RYR1: variants seen among roughly 807,000 people sequenced by gnomAD.
RYR1 encodes central core disease of muscle.
A neutral mutation model predicts 583.5 loss-of-function variants in RYR1; 342 were observed. The observed-to-expected ratio is 0.59, with a 90% confidence interval of 0.54 to 0.64. The LOEUF is 0.64. Among genes scored for constraint, RYR1 ranks in the 30% least tolerant of loss-of-function variants. RYR1 has a pLI of 0.00. For missense variants in RYR1, 6,032 were observed against 6,917.2 expected, an observed-to-expected ratio of 0.87 and a Z score of 4.54; for synonymous variants, 2,791 against 2,822.5, an observed-to-expected ratio of 0.99 and a Z score of 0.35.
Position 38,565,295 on chromosome 19 carries a change from C to T in RYR1, c.12961C>T (p.Arg4321Trp). Reference protein sequence around the residue: ...RSLRRRVRRLRRLTAREAATA... With the variant: ...RSLRRRVRRLWRLTAREAATA... ...CCTGCGGCGGCGCGTGCGGCGGCTG[C>T]GGCGGCTTACGGCCCGCGAGGCGGC... The change falls in exon 91 of 106, where the codon CGG becomes TGG. Residue 4321 changes from arginine (R) to tryptophan (W), a missense_variant. By Grantham distance (101) the Arg-to-Trp change is moderately radical. Coordinates refer to ENST00000359596, the MANE Select transcript of RYR1 (RefSeq NM_000540.3). The surrounding 1 kb of genome is among the most constrained non-coding windows in gnomAD (Gnocchi z 4.7). 3 of 1,043,236 alleles carry T rather than the reference C, an allele frequency of 2.9e-6. No homozygotes were observed. Among genetic ancestry groups the T allele is most frequent in the Non-Finnish European group, 3.5e-6 (3 of 868,924 alleles). The allele number at this position is 1,043,236 out of a possible 1,614,324, so 64.6% of individuals were successfully genotyped here. A position where few individuals can be genotyped will look rare whatever the true frequency, so the allele number is the denominator to read the frequency against.
In RYR1 at chr19:38,500,754, G is replaced by A. The variant is rs1970074513; in HGVS notation, c.7444+28G>A. On this transcript the variant is annotated intron_variant, in intron 46 of 105. Coordinates refer to ENST00000359596, the MANE Select transcript of RYR1 (RefSeq NM_000540.3). The surrounding 1 kb of genome is among the most constrained non-coding windows in gnomAD (Gnocchi z 5.9). ...GCAGAGGGGATGGAACTTGGCGAAG[G>A]AGTGATGCTGGGGAGGGAGCGGCTG... 1 of 1,614,026 alleles carries A rather than the reference G, an allele frequency of 6.2e-7. No individual in the cohort carries two copies. Among genetic ancestry groups the A allele is most frequent in the South Asian group, 1.1e-5 (1 of 91,090 alleles).
intron 49 of RYR1, 39 bp from the exon 50 acceptor site, chr19:38,504,181 C>T (rs907604118): frequency 1.3e-6 from 2 of 1,586,288 alleles, no homozygotes; most frequent in Non-Finnish European, 1.7e-6. Flanking sequence ...TTCGCTGGTG[C>T]CCCCCTCATT....
chr19:38,483,196 G>A lies in RYR1; in HGVS notation c.4707+83G>A. 2 of 1,593,898 alleles carry A rather than the reference G, an allele frequency of 1.3e-6. No homozygotes were observed. The highest frequency in any genetic ancestry group is 2.2e-5 in the East Asian group (1 of 44,746). ...AGGCCAGGCGGGCAGAGCCACTGAA[G>A]GGGAGGGGGCAATCCAAGAGGTCTC... On this transcript the variant is annotated intron_variant, in intron 32 of 105. Coordinates refer to ENST00000359596, the MANE Select transcript of RYR1 (RefSeq NM_000540.3). The surrounding 1 kb of genome is among the most constrained non-coding windows in gnomAD (Gnocchi z 6.3).
intron 66 of RYR1, among the ~76,000 whole-genome samples, chr19:38,518,609 T>G (rs566092205): frequency 6.6e-6 from 1 of 150,924 alleles, no homozygotes; most frequent in African/African-American, 2.4e-5. Context: ...GGTTAAAGAT[T>G]GGGGTCAGGG....
chr19:38,527,451 A>G (rs1971513749), intron 72 of RYR1, 196 bp from the exon 73 acceptor site: 1 of 673,338 alleles, frequency 1.5e-6, no homozygotes, highest in Non-Finnish European at 2.5e-6. Context: ...CAGAGGTTGC[A>G]GTGAGCTGAG....
intron 66 of RYR1, 133 bp from the exon 67 acceptor site, chr19:38,519,079 CCA>C: frequency 6.9e-7 from 1 of 1,439,872 alleles, no homozygotes; most frequent in Non-Finnish European, 9.7e-7. Flanking sequence ...GGGACTATAT[CCA>C]AGGTTAGGGT....
At chr19:38,493,465 G>A (rs1259127054) in intron 38 of RYR1, among the ~76,000 whole-genome samples, 1 of 151,958 alleles carries the variant, frequency 6.6e-6, no homozygotes, top group East Asian at 1.9e-4. Flanking sequence ...AGCCGAGGGG[G>A]GAAAGTCAAA....
At chr19:38,586,637 G>A in intron 105 of RYR1, 61 bp downstream of exon 105, 1 of 1,477,722 alleles carries the variant, frequency 6.8e-7, no homozygotes, top group South Asian at 1.1e-5. Context: ...CATAAGGCCA[G>A]TCAGTAGGTG....
rs531585868 is a variant in RYR1 at position 38,559,454 on chromosome 19, G to A, written c.12283-1659G>A. 6.6e-5 allele frequency among the ~76,000 whole-genome samples: 10 copies of A among 151,842 alleles called. No individual in the cohort carries two copies. In the South Asian group the frequency reaches 1.3e-3, roughly 19 times the overall value. ...TCACCATGTTGTCCAGGCTGGTCTCGAACTCCTGACCTCAGGTGATCCACC... is the reference window on the plus strand; with the variant it reads ...TCACCATGTTGTCCAGGCTGGTCTCAAACTCCTGACCTCAGGTGATCCACC... On this transcript the variant is annotated intron_variant, in intron 89 of 105. Coordinates refer to ENST00000359596, the MANE Select transcript of RYR1 (RefSeq NM_000540.3).
intron 101 of RYR1, among the ~76,000 whole-genome samples, chr19:38,583,834 T>G (rs1189861028): frequency 6.6e-6 from 1 of 151,986 alleles, no homozygotes; most frequent in Non-Finnish European, 1.5e-5. Flanking sequence ...TGCCACATCC[T>G]ACAGGAAGCC....
rs193922781 is a variant in RYR1, at chr19:38,485,838, C to T, written c.5183C>T (p.Ser1728Phe). The T allele has an allele frequency of 3.6e-5, 58 of 1,613,708 alleles. No homozygotes were observed. Among genetic ancestry groups the T allele is most frequent in the Non-Finnish European group, 4.7e-5 (56 of 1,180,020 alleles). ...HLESACRSRR[S>F]MLSEYIVPLT... is the part of the protein sequence containing the mutation. ...GAAAGTGCCTGCCGCAGCCGCCGCT[C>T]CATGCTCTCTGAATACATCGTGCCC... The change falls in exon 34 of 106, where the codon TCC becomes TTC. Residue 1728 changes from serine (S) to phenylalanine (F), a missense_variant. Physicochemically the swap from Ser to Phe is radical, Grantham distance 155 (BLOSUM62 -2). Around this residue, in one of 11 missense-constraint regions of RYR1, gnomAD observed 2,627 missense variants for 2,961.3 expected, o/e 0.89. Transcript: ENST00000359596.
chr19:38,525,633 C>T, intron 71 of RYR1, 131 bp downstream of exon 71: 1 of 1,000,824 alleles, frequency 1.0e-6, no homozygotes, highest in South Asian at 1.4e-5. Flanking sequence ...CTTCAGACCC[C>T]ACTGAGTTCT....
At chr19:38,477,928 A>G (rs2145503656) in intron 30 of RYR1, 58 bp downstream of exon 30, 1 of 1,521,880 alleles carries the variant, frequency 6.6e-7, no homozygotes, top group East Asian at 2.3e-5. Flanking sequence ...AGGCAGTCAG[A>G]GCTCCCGACA....
chr19:38,502,634 CTA>C lies in RYR1; in HGVS notation c.7744_7745del (p.Met2582AlafsTer19), dbSNP rs2145614282. On this transcript the variant is annotated frameshift_variant, in exon 48 of 106. Transcript: ENST00000359596. LOFTEE classifies it high-confidence loss of function. ...GAACACCGCGCCATCATGGTGGACTCTATGCTGCATACCGTGTACCGCCTGTC... is the reference window on the plus strand; with the variant it reads ...GAACACCGCGCCATCATGGTGGACTCTGCTGCATACCGTGTACCGCCTGTC... 6.2e-7 allele frequency: 1 copy of C among 1,613,110 alleles called. No homozygotes were observed. The highest frequency in any genetic ancestry group is 8.5e-7 in the Non-Finnish European group (1 of 1,179,922).
chr19:38,449,487 AAAAC>A (rs1322663728), intron 11 of RYR1, among the ~76,000 whole-genome samples: 1 of 152,152 alleles, frequency 6.6e-6, no homozygotes, highest in East Asian at 1.9e-4. Flanking sequence ...AAACAAAACA[AAAAC>A]AAAAACAGAG....
In RYR1 at chr19:38,477,884, G is replaced by T. The variant is rs773052225; in HGVS notation, c.4454+14G>T. On this transcript the variant is annotated intron_variant, in intron 30 of 105. Coordinates refer to ENST00000359596, the MANE Select transcript of RYR1 (RefSeq NM_000540.3). ...CGTCCACAGCAGGTGCCGGGGCTGG[G>T]GGGAGGTGGGAGGTGCAGGGTGGGG... 6.2e-7 allele frequency: 1 copy of T among 1,605,022 alleles called. No homozygotes were observed. The highest frequency in any genetic ancestry group is 1.1e-5 in the South Asian group (1 of 90,794).
intron 22 of RYR1, 43 bp from the exon 23 acceptor site, chr19:38,464,596 C>T (rs1045953328): frequency 1.3e-6 from 2 of 1,520,386 alleles, no homozygotes; most frequent in Middle Eastern, 3.5e-4. Context: ...GGGCAGGGAG[C>T]TCTGAGGGGC....
chr19:38,454,991 A>T (rs1159461452), intron 13 of RYR1, among the ~76,000 whole-genome samples: 1 of 151,986 alleles, frequency 6.6e-6, no homozygotes, highest in Non-Finnish European at 1.5e-5. Flanking sequence ...ATAAGGACTG[A>T]ATTATCATAG....
intron 31 of RYR1, 122 bp downstream of exon 31, chr19:38,478,722 T>C: frequency 1.8e-6 from 2 of 1,137,166 alleles, no homozygotes; most frequent in East Asian, 4.8e-5. Context: ...TAGGCTGTCC[T>C]CAAGAGGTCG....
Sources: allele counts gnomAD v4.1 joint callset (sites outside exome capture counted in the v4.1 genomes callset), GRCh38; gene constraint gnomAD v4.1.1; regional missense constraint gnomAD v4.1.1; non-coding constraint Gnocchi (gnomAD v3.1); transcripts MANE v1.5; gene names NCBI Gene and HGNC (gene_info 2026-07-23, HGNC 2026-07-21).